PAM: variants seen among roughly 807,000 people sequenced by gnomAD.
The protein encoded by PAM is peptidyl-glycine alpha-amidating monooxygenase.
PAM carries 72 observed loss-of-function variants against 122.1 expected under a neutral mutation model. That is an observed-to-expected ratio of 0.59 (90% CI 0.49 to 0.72). The LOEUF is 0.72. PAM is among the 30% of genes least tolerant of loss of function. The pLI, the probability that PAM is intolerant of heterozygous loss-of-function variation, is 0.00. For synonymous variants in PAM, 389 were observed against 404.4 expected (o/e 0.96, Z 0.46); for missense variants, 1,106 against 1,183.7 (o/e 0.93, Z 0.96).
At chr5:103,020,025 A>T (rs528960684) in intron 23 of PAM, among the ~76,000 whole-genome samples, 182 bp downstream of exon 23, 26 of 152,188 alleles carry the variant, frequency 1.7e-4, no homozygotes, top group African/African-American at 5.8e-4. Flanking sequence ...TTTTTTTGAT[A>T]AATGGAGCAG....
intron 23 of PAM, among the ~76,000 whole-genome samples, chr5:103,021,603 G>T (rs970865158): frequency 3.9e-5 from 6 of 152,142 alleles, no homozygotes; most frequent in Admixed American, 3.3e-4. Context: ...AGTTCAAACA[G>T]TAAATTTTAT....
At chr5:102,955,993 G>A (rs979392621) in intron 12 of PAM, among the ~76,000 whole-genome samples, 4 of 152,114 alleles carry the variant, frequency 2.6e-5, no homozygotes, top group Middle Eastern at 3.4e-3. Context: ...TAGTTTCTCT[G>A]TCACATAGGA....
intron 1 of PAM, among the ~76,000 whole-genome samples, chr5:102,767,915 A>T (rs1444567404): frequency 6.6e-6 from 1 of 152,140 alleles, no homozygotes; most frequent in Non-Finnish European, 1.5e-5. Flanking sequence ...GCCCAAGGTC[A>T]TATAGGTTGT....
intron 12 of PAM, 95 bp from the exon 13 acceptor site, chr5:102,959,780 T>A (rs1193026319): frequency 6.8e-6 from 5 of 736,394 alleles, no homozygotes; most frequent in Non-Finnish European, 1.2e-5. Flanking sequence ...TACCTTTGAA[T>A]CCATTGCTGG....
At chr5:102,852,857 G>A (rs1781671700) in intron 1 of PAM, among the ~76,000 whole-genome samples, 1 of 152,102 alleles carries the variant, frequency 6.6e-6, no homozygotes, top group Non-Finnish European at 1.5e-5. Flanking sequence ...ATAGCACTTA[G>A]TAGTCATACA....
intron 4 of PAM, among the ~76,000 whole-genome samples, chr5:102,902,991 A>G (rs1798451034): frequency 6.6e-6 from 1 of 151,560 alleles, no homozygotes; most frequent in South Asian, 2.1e-4. Context: ...CGTTCACATA[A>G]TTTAAAATGA....
intron 3 of PAM, among the ~76,000 whole-genome samples, chr5:102,876,404 C>T (rs923834625): frequency 1.3e-5 from 2 of 152,152 alleles, no homozygotes; most frequent in Admixed American, 6.6e-5. Context: ...GCACATTGCT[C>T]TTCTACTAAT....
At chr5:102,932,569 A>T (rs532908795) in intron 7 of PAM, among the ~76,000 whole-genome samples, 1 of 149,246 alleles carries the variant, frequency 6.7e-6, no homozygotes, top group Non-Finnish European at 1.5e-5. Context: ...GTATGTATAG[A>T]TATATATACA....
rs1766962859 is a variant in PAM, at chr5:102,974,499, C to T, written c.1483+63C>T. 6 of 1,056,380 alleles carry T rather than the reference C, an allele frequency of 5.7e-6. 1 individual carries two copies. The highest frequency in any genetic ancestry group is 2.4e-5 in the East Asian group (1 of 41,758). The allele number at this position is 1,056,380 out of a possible 1,614,324, so 65.4% of individuals were successfully genotyped here. A position where few individuals can be genotyped will look rare whatever the true frequency, so the allele number is the denominator to read the frequency against. ...ATGCTACAATCCACGTTAGCAAAAC[C>T]TGAAGGGAATAAGAATTAATGGGTG... On this transcript the variant is annotated intron_variant, in intron 15 of 25. Transcript: ENST00000438793.
chr5:102,779,458 T>G (rs1376674928), intron 1 of PAM, among the ~76,000 whole-genome samples: 1 of 152,052 alleles, frequency 6.6e-6, no homozygotes, highest in African/African-American at 2.4e-5. Context: ...TTTGTTATAT[T>G]GACCACTCAG....
chr5:102,897,307 C>G (rs1796490309), intron 3 of PAM, among the ~76,000 whole-genome samples: 2 of 151,564 alleles, frequency 1.3e-5, no homozygotes, highest in Non-Finnish European at 1.5e-5. Flanking sequence ...GAGACTATTA[C>G]CAACTTTCTG....
At chr5:102,884,573 T>G (rs758678119) in intron 3 of PAM, among the ~76,000 whole-genome samples, 84 of 152,076 alleles carry the variant, frequency 5.5e-4, no homozygotes, top group Admixed American at 2.1e-3. Flanking sequence ...AGTGATTCTC[T>G]TTGCACTTAT....
At chr5:102,960,316 T>C (rs1326326273) in intron 13 of PAM, among the ~76,000 whole-genome samples, 1 of 152,008 alleles carries the variant, frequency 6.6e-6, no homozygotes, top group Non-Finnish European at 1.5e-5. Flanking sequence ...CCCATAAATG[T>C]AGACCTTTTT....
intron 14 of PAM, among the ~76,000 whole-genome samples, chr5:102,973,651 G>A (rs1035375880): frequency 6.6e-5 from 10 of 152,094 alleles, no homozygotes; most frequent in Non-Finnish European, 1.2e-4. Flanking sequence ...TGTTTTACAG[G>A]AAATGTATAT....
chr5:102,992,395 C>G (rs558144081), intron 16 of PAM, among the ~76,000 whole-genome samples: 2 of 152,034 alleles, frequency 1.3e-5, no homozygotes, highest in Non-Finnish European at 2.9e-5. Flanking sequence ...GCCTGTTGCC[C>G]TTAGCAGACT....
chr5:103,009,441 G>C (rs769637709), intron 20 of PAM, among the ~76,000 whole-genome samples: 55 of 152,076 alleles, frequency 3.6e-4, no homozygotes, highest in Non-Finnish European at 5.9e-4. Context: ...TAGGATGCCT[G>C]TAATAGCTAT....
chr5:102,913,912 A>C (rs1581641809), intron 4 of PAM, 22 bp from the exon 5 acceptor site: 1 of 1,357,116 alleles, frequency 7.4e-7, no homozygotes, highest in Non-Finnish European at 1.1e-6. Flanking sequence ...ATTCACATAC[A>C]TGTATTATTT....
intron 3 of PAM, 72 bp from the exon 4 acceptor site, chr5:102,901,284 C>T (rs1274205420): frequency 1.6e-5 from 14 of 883,844 alleles, no homozygotes; most frequent in Middle Eastern, 2.9e-4. Flanking sequence ...ATAGAAGCCA[C>T]GTTTTAATAG....
At chr5:102,783,583 A>T (rs1281424035) in intron 1 of PAM, among the ~76,000 whole-genome samples, 1 of 152,228 alleles carries the variant, frequency 6.6e-6, no homozygotes, top group Non-Finnish European at 1.5e-5. Context: ...TAATTTGCAG[A>T]TTCCAAATTC....
Sources: gnomAD v4.1 joint callset for allele counts (sites outside exome capture counted in the v4.1 genomes callset) on GRCh38, gnomAD v4.1.1 for gene constraint, MANE v1.5 for transcripts, NCBI Gene and HGNC (gene_info 2026-07-23, HGNC 2026-07-21) for gene names.